The following DOK5 variants were observed in gnomAD, a reference collection of about 807,000 sequenced individuals.
DOK5 encodes docking protein 5.
Under a neutral mutation model 43.3 loss-of-function variants are expected in DOK5, and 27 were observed. The ratio of observed to expected loss-of-function variants is 0.62; its 90% CI spans 0.46 to 0.86. The LOEUF (loss-of-function observed/expected upper bound fraction) is 0.86, where lower values mean the gene tolerates loss of function less well. Among genes scored for constraint, DOK5 ranks in the 40% least tolerant of loss-of-function variants. DOK5 has a pLI of 0.00. For synonymous variants in DOK5, 146 were observed against 140.1 expected (o/e 1.04, Z -0.30); for missense variants, 373 against 392.9 (o/e 0.95, Z 0.43).
chr20:54,607,804 A>AC (rs1986517130), intron 5 of DOK5, among the ~76,000 whole-genome samples: 1 of 151,852 alleles, frequency 6.6e-6, no homozygotes, highest in Admixed American at 6.6e-5. Flanking sequence ...AATTGCTTGA[A>AC]CCCGGGAGGT....
chr20:54,604,540 A>G (rs1373962855), intron 5 of DOK5, among the ~76,000 whole-genome samples: 1 of 152,108 alleles, frequency 6.6e-6, no homozygotes, highest in Non-Finnish European at 1.5e-5. Flanking sequence ...CAGCTCCTCA[A>G]AGAGAAAGCC....
intron 1 of DOK5, among the ~76,000 whole-genome samples, chr20:54,538,080 TCC>T (rs956225545): frequency 9.2e-5 from 14 of 151,742 alleles, no homozygotes; most frequent in Admixed American, 8.5e-4. Flanking sequence ...CTCATCCTCC[TCC>T]CGACTCGGCC....
intron 6 of DOK5, among the ~76,000 whole-genome samples, chr20:54,615,308 G>A (rs1036248722): frequency 1.3e-5 from 2 of 152,254 alleles, no homozygotes; most frequent in East Asian, 1.9e-4. Context: ...AAATACGCCC[G>A]CATTCTAATC....
chr20:54,481,384 G>A (rs1174516608), intron 1 of DOK5, among the ~76,000 whole-genome samples: 1 of 152,072 alleles, frequency 6.6e-6, no homozygotes, highest in Non-Finnish European at 1.5e-5. Context: ...TGGCCAGGCT[G>A]GTGTCGAACT....
At chr20:54,520,990 C>G (rs1983373370) in intron 1 of DOK5, among the ~76,000 whole-genome samples, 1 of 151,994 alleles carries the variant, frequency 6.6e-6, no homozygotes, top group African/African-American at 2.4e-5. Flanking sequence ...GCCCCAGGGT[C>G]TTTGCACTTA....
intron 1 of DOK5, among the ~76,000 whole-genome samples, chr20:54,479,455 G>C (rs1404330306): frequency 5.3e-5 from 8 of 152,126 alleles, no homozygotes; most frequent in Admixed American, 4.6e-4. Flanking sequence ...TTTCTTTTTA[G>C]GGGAGAGGCA....
chr20:54,554,218 A>G (rs1247230362), intron 1 of DOK5, among the ~76,000 whole-genome samples: 1 of 152,206 alleles, frequency 6.6e-6, no homozygotes, highest in Non-Finnish European at 1.5e-5. Context: ...TTAGGAATTG[A>G]AAGATTGTGA....
rs1985920082 is a variant in DOK5, at chr20:54,589,599, A to G, written c.409+793A>G. ...TGAGCCTGGGGACGGGGTAGATCAG[A>G]TCACAGAGTTCTGCTGTAGGCTGAC... On this transcript the variant is annotated intron_variant, in intron 4 of 7. Transcript: ENST00000262593. 2.6e-5 allele frequency among the ~76,000 whole-genome samples: 4 copies of G among 152,288 alleles called. No homozygotes were observed. The South Asian group carries it at 8.3e-4, about 32-fold the overall frequency.
In DOK5 at chr20:54,508,443, C is replaced by G. The variant is rs181063044; in HGVS notation, c.66+32431C>G. Among the ~76,000 whole-genome samples, 10 of 150,150 alleles carry G rather than the reference C, an allele frequency of 6.7e-5. 1 individual carries two copies. The highest frequency in any genetic ancestry group is 2.5e-5 in the African/African-American group (1 of 40,670). ...GATATAATGATGCTTGTCACACATA[C>G]GAGATGGCAGGAGCTTATATCTGGA... On this transcript the variant is annotated intron_variant, in intron 1 of 7. Transcript: ENST00000262593.
intron 6 of DOK5, among the ~76,000 whole-genome samples, chr20:54,627,818 A>C (rs985794716): frequency 6.6e-6 from 1 of 152,208 alleles, no homozygotes; most frequent in Non-Finnish European, 1.5e-5. Context: ...TCGCTAGACC[A>C]GGTAACATGC....
intron 5 of DOK5, among the ~76,000 whole-genome samples, chr20:54,602,509 ACT>A (rs1986327756): frequency 6.6e-6 from 1 of 152,042 alleles, no homozygotes; most frequent in Non-Finnish European, 1.5e-5. Context: ...TTTTCCATTT[ACT>A]TTTTGATCTT....
intron 7 of DOK5, among the ~76,000 whole-genome samples, chr20:54,644,995 C>CTT (rs1979330002): frequency 8.5e-6 from 1 of 117,226 alleles, no homozygotes; most frequent in African/African-American, 3.2e-5. Flanking sequence ...TGTAAAAAAA[C>CTT]TCTTTTTTTT....
chr20:54,506,837 GGGA>G (rs1271971755), intron 1 of DOK5, among the ~76,000 whole-genome samples: 1 of 152,194 alleles, frequency 6.6e-6, no homozygotes, highest in Non-Finnish European at 1.5e-5. Flanking sequence ...TGTCTTCATG[GGGA>G]GATAGAGAAA....
chr20:54,546,731 T>C (rs1365846455), intron 1 of DOK5, among the ~76,000 whole-genome samples: 1 of 152,202 alleles, frequency 6.6e-6, no homozygotes, highest in African/African-American at 2.4e-5. Flanking sequence ...AAATTGTACC[T>C]TAACTTCATA....
intron 1 of DOK5, among the ~76,000 whole-genome samples, chr20:54,484,033 T>C (rs751265307): frequency 1.3e-5 from 2 of 152,198 alleles, no homozygotes; most frequent in Non-Finnish European, 2.9e-5. Flanking sequence ...TAGAGAAGTC[T>C]GGTCCTCCCT....
intron 6 of DOK5, among the ~76,000 whole-genome samples, chr20:54,620,124 A>G (rs1273401834): frequency 6.6e-6 from 1 of 152,214 alleles, no homozygotes; most frequent in Non-Finnish European, 1.5e-5. Context: ...ATATCCTGGC[A>G]TATTAATTAT....
In DOK5 at chr20:54,650,665, T is replaced by C; in HGVS notation, c.*186T>C. ...CTTTATTTTCTTTTTCTTTTTTAAA[T>C]TCTTAGTGTAATTGAAACGTGCTCT... On this transcript the variant is annotated 3_prime_UTR_variant, in exon 8 of 8. Transcript: ENST00000262593. 1.8e-6 allele frequency: 1 copy of C among 545,910 alleles called. No homozygotes were observed. Among genetic ancestry groups the C allele is most frequent in the Non-Finnish European group, 3.2e-6 (1 of 314,272 alleles). The allele number at this position is 545,910 out of a possible 1,614,324, so 33.8% of individuals were successfully genotyped here.
rs1305004289 is a variant in DOK5 at position 54,565,773 on chromosome 20, G to A, written c.174+10733G>A. On this transcript the variant is annotated intron_variant, in intron 2 of 7. Transcript: ENST00000262593. ...CGCAGTGGCTCAGGCCTGTAATCCCGGCACTTTGGGAGGCCGAGGCAGGCG... is the reference window on the plus strand; with the variant it reads ...CGCAGTGGCTCAGGCCTGTAATCCCAGCACTTTGGGAGGCCGAGGCAGGCG... Among the ~76,000 whole-genome samples, 10 of 152,000 alleles carry A rather than the reference G, an allele frequency of 6.6e-5. No homozygotes were observed. The East Asian group carries it at 1.2e-3, about 18-fold the overall frequency.
At chr20:54,516,827 G>A (rs1166406812) in intron 1 of DOK5, among the ~76,000 whole-genome samples, 2 of 152,178 alleles carry the variant, frequency 1.3e-5, no homozygotes, top group Non-Finnish European at 2.9e-5. Flanking sequence ...AGTCTAGGGG[G>A]TAGACCTGCT....
Sources: allele counts gnomAD v4.1 joint callset (sites outside exome capture counted in the v4.1 genomes callset), GRCh38; gene constraint gnomAD v4.1.1; transcripts MANE v1.5; gene names NCBI Gene and HGNC (gene_info 2026-07-23, HGNC 2026-07-21).